The following MAPK8IP3 variants were observed in gnomAD, a reference collection of about 807,000 sequenced individuals.
MAPK8IP3 encodes C-Jun-amino-terminal kinase-interacting protein 3.
Under a neutral mutation model 157.8 loss-of-function variants are expected in MAPK8IP3, and 49 were observed. The observed-to-expected ratio is 0.31, with a 90% CI of 0.25 to 0.39. The LOEUF (loss-of-function observed/expected upper bound fraction) is 0.39. MAPK8IP3 is among the 10% of genes least tolerant of loss of function. The pLI is 1.00. For missense variants in MAPK8IP3, 1,478 were observed against 1,889.4 expected (o/e 0.78, Z 4.04); for synonymous variants, 897 against 777.7 (o/e 1.15, Z -2.55).
chr16:1,727,769 TGC>T (rs2038988798), intron 2 of MAPK8IP3, among the ~76,000 whole-genome samples: 1 of 152,164 alleles, frequency 6.6e-6, no homozygotes, highest in Non-Finnish European at 1.5e-5. Context: ...CTTCCCTGGG[TGC>T]CTGGTAGAGA....
At chr16:1,767,990 C>A in intron 28 of MAPK8IP3, 72 bp downstream of exon 28, 1 of 1,608,888 alleles carries the variant, frequency 6.2e-7, no homozygotes, top group Non-Finnish European at 8.5e-7. Context: ...GGTGGCTCTG[C>A]AGGGCCACCT....
At position 1,751,177 on chromosome 16, in the gene MAPK8IP3, C is replaced by T. The variant is rs1203209268; in HGVS notation, c.1216+2457C>T. On this transcript the variant is annotated intron_variant, in intron 8 of 31. Transcript: ENST00000610761. This position sits in a 1 kb window ranked among gnomAD's most constrained non-coding sequence, Gnocchi z 5.0. ...CATTTATAGATGAAGAAACTGAGGC[C>T]GGGCACAGTGGCTCATGCCCGTAAT... is the stretch of plus-strand genomic sequence containing the variant. 2.6e-5 allele frequency among the ~76,000 whole-genome samples: 4 copies of T among 151,834 alleles called. No homozygotes were observed. The South Asian group carries it at 6.3e-4, about 24-fold the overall frequency.
chr16:1,715,952 C>A (rs1348638918), intron 1 of MAPK8IP3, among the ~76,000 whole-genome samples: 3 of 152,058 alleles, frequency 2.0e-5, no homozygotes, highest in African/African-American at 7.2e-5. Flanking sequence ...GTCTTGAACT[C>A]CTGACCTCAC....
Position 1,706,792 on chromosome 16 carries a change from C to T in MAPK8IP3, c.318+135C>T. On this transcript the variant is annotated intron_variant, in intron 1 of 31. Coordinates refer to ENST00000610761, the MANE Select transcript of MAPK8IP3 (RefSeq NM_001318852.2). The surrounding 1 kb of genome is among the most constrained non-coding windows in gnomAD (Gnocchi z 5.1). The stretch of plus-strand genomic sequence containing the variant: ...CCGCGGGACCCCTGGACCCCCAGAC[C>T]CCGCCCCGAGACCCGCCTGGACCCC... 2 of 1,004,750 alleles carry T rather than the reference C, an allele frequency of 2.0e-6. No individual in the cohort carries two copies. Among genetic ancestry groups the T allele is most frequent in the Non-Finnish European group, 2.8e-6 (2 of 721,626 alleles). The allele number at this position is 1,004,750 out of a possible 1,614,324, so 62.2% of individuals were successfully genotyped here. A position where few individuals can be genotyped will look rare whatever the true frequency, so the allele number is the denominator to read the frequency against.
At chr16:1,759,112 CAG>C in intron 10 of MAPK8IP3, 117 bp downstream of exon 10, 2 of 1,372,992 alleles carry the variant, frequency 1.5e-6, no homozygotes, top group Non-Finnish European at 2.1e-6. Context: ...CCGCCGGGGT[CAG>C]GGGGGCAGCC....
chr16:1,730,645 C>T (rs2039245656), intron 4 of MAPK8IP3, among the ~76,000 whole-genome samples: 1 of 151,988 alleles, frequency 6.6e-6, no homozygotes, highest in South Asian at 2.1e-4. Context: ...AGATCGAGAC[C>T]ATCCTGGCTA....
In MAPK8IP3 at chr16:1,763,768, C is replaced by T. The variant is rs775668375; in HGVS notation, c.2010C>T (p.Pro670=). Residue 670 remains proline (P), a synonymous_variant, in exon 17 of 32, where the codon CCC becomes CCT. Transcript: ENST00000610761. The part of the protein sequence containing the change: ...GRLQACGWSL[P]AKYKQLSPNG... ...TGCAGGCCTGCGGCTGGAGCCTGCC[C>T]GCCAAGTACAAGCAGGTGCGGGCGG... 1.9e-6 allele frequency: 3 copies of T among 1,576,892 alleles called. No individual in the cohort carries two copies. Among genetic ancestry groups the T allele is most frequent in the African/African-American group, 1.4e-5 (1 of 73,776 alleles).
In MAPK8IP3 at chr16:1,710,808, A is replaced by G. The variant is rs960940197; in HGVS notation, c.318+4151A>G. Among the ~76,000 whole-genome samples, 2 of 152,270 alleles carry G rather than the reference A, an allele frequency of 1.3e-5. No homozygotes were observed. Among genetic ancestry groups the G allele is most frequent in the Admixed American group, 6.5e-5 (1 of 15,294 alleles). ...TAAAAAATGTTTTTTAAATGAAGCT[A>G]TCAAGATGGGGCTGCCAGAGCTGCC... is the stretch of plus-strand genomic sequence containing the variant. On this transcript the variant is annotated intron_variant, in intron 1 of 31. Transcript: ENST00000610761. This position sits in a 1 kb window ranked among gnomAD's most constrained non-coding sequence, Gnocchi z 4.1.
intron 8 of MAPK8IP3, 106 bp from the exon 9 acceptor site, chr16:1,758,042 A>T: frequency 8.5e-7 from 1 of 1,173,170 alleles, no homozygotes; most frequent in Non-Finnish European, 1.3e-6. Flanking sequence ...GAGCAGCCGA[A>T]TCATTGCTGG....
intron 1 of MAPK8IP3, among the ~76,000 whole-genome samples, chr16:1,722,465 T>C (rs920889002): frequency 6.6e-6 from 1 of 152,126 alleles, no homozygotes; most frequent in African/African-American, 2.4e-5. Context: ...AGAGTTATTA[T>C]AGGGAACACA....
intron 1 of MAPK8IP3, among the ~76,000 whole-genome samples, chr16:1,718,123 G>A (rs1271962721): frequency 6.6e-6 from 1 of 151,914 alleles, no homozygotes; most frequent in African/African-American, 2.4e-5. Flanking sequence ...AAAGTGCTGG[G>A]ATTACAGGTG....
In MAPK8IP3 at chr16:1,743,894, T is replaced by G. The variant is rs955853469; in HGVS notation, c.747+418T>G. 32 of 1,058,550 alleles carry G rather than the reference T, an allele frequency of 3.0e-5. No homozygotes were observed. Among genetic ancestry groups the G allele is most frequent in the African/African-American group, 5.2e-5 (3 of 58,154 alleles). 65.6% of individuals were successfully genotyped at this position (1,058,550 alleles called of 1,614,324 possible). ...CCACGCCTCTACTCTCGGAGGAACG[T>G]CAGTGTCTAGAGTGTGGGGTTTGCC... On this transcript the variant is annotated intron_variant, in intron 5 of 31. Transcript: ENST00000610761. This position sits in a 1 kb window ranked among gnomAD's most constrained non-coding sequence, Gnocchi z 5.6.
Position 1,742,883 on chromosome 16 carries a change from G to A in MAPK8IP3, c.603-449G>A, listed in dbSNP as rs1363940313. Among the ~76,000 whole-genome samples, 2 of 152,106 alleles carry A rather than the reference G, an allele frequency of 1.3e-5. No individual in the cohort carries two copies. Among genetic ancestry groups the A allele is most frequent in the Non-Finnish European group, 2.9e-5 (2 of 68,016 alleles). On this transcript the variant is annotated intron_variant, in intron 4 of 31. Transcript: ENST00000610761. This position sits in a 1 kb window ranked among gnomAD's most constrained non-coding sequence, Gnocchi z 5.0. ...CACGCCTGTAATCCCAGCACTGTGGGAGGCCGAGGCAGGCGGATCATCAGG... is the reference window on the plus strand; with the variant it reads ...CACGCCTGTAATCCCAGCACTGTGGAAGGCCGAGGCAGGCGGATCATCAGG...
In MAPK8IP3 at chr16:1,706,886, C is replaced by T. The variant is rs867358573; in HGVS notation, c.318+229C>T. On this transcript the variant is annotated intron_variant, in intron 1 of 31. Coordinates refer to ENST00000610761, the MANE Select transcript of MAPK8IP3 (RefSeq NM_001318852.2). This position sits in a 1 kb window ranked among gnomAD's most constrained non-coding sequence, Gnocchi z 5.1. ...GAGACACCTCCCTAGAGCACTCCCCCGCCTGCCCCGGGACCCCACCCCGAC... is the reference window on the plus strand; with the variant it reads ...GAGACACCTCCCTAGAGCACTCCCCTGCCTGCCCCGGGACCCCACCCCGAC... 6.7e-6 allele frequency among the ~76,000 whole-genome samples: 1 copy of T among 149,670 alleles called. No homozygotes were observed. The highest frequency in any genetic ancestry group is 2.5e-5 in the African/African-American group (1 of 40,534).
chr16:1,736,671 C>T (rs546996669), intron 4 of MAPK8IP3, among the ~76,000 whole-genome samples: 22 of 67,148 alleles, frequency 3.3e-4, no homozygotes, highest in Non-Finnish European at 5.1e-4. Flanking sequence ...TGTGACCGTC[C>T]GTGTGAGCAT....
chr16:1,729,946 T>G (rs1375645559), intron 4 of MAPK8IP3, among the ~76,000 whole-genome samples: 2 of 148,174 alleles, frequency 1.3e-5, no homozygotes, highest in East Asian at 2.0e-4. Flanking sequence ...CAGTGACTTA[T>G]GCCTGTAATC....
rs558584596 is a variant in MAPK8IP3 at position 1,741,585 on chromosome 16, C to CT, written c.603-1747_603-1746insT. 1.9e-4 allele frequency among the ~76,000 whole-genome samples: 29 copies of CT among 152,256 alleles called. No individual in the cohort carries two copies. The South Asian group carries it at 6.0e-3, about 32-fold the overall frequency. On this transcript the variant is annotated intron_variant, in intron 4 of 31. Transcript: ENST00000610761. The surrounding 1 kb of genome is among the most constrained non-coding windows in gnomAD (Gnocchi z 6.9). ...TGATGGCGTCAGAACTGGGCCTCAGCAGAGGCGCTCCCCGCACCAGCGTTG... is the reference window on the plus strand; with the variant it reads ...TGATGGCGTCAGAACTGGGCCTCAGCTAGAGGCGCTCCCCGCACCAGCGTTG...
At chr16:1,758,276 G>A (rs974212160) in intron 9 of MAPK8IP3, 117 bp downstream of exon 9, 11 of 1,198,760 alleles carry the variant, frequency 9.2e-6, no homozygotes, top group African/African-American at 4.5e-5. Context: ...CCACGTCGCC[G>A]CAGCGCCTCT....
chr16:1,729,769 C>T (rs974271447), intron 4 of MAPK8IP3, among the ~76,000 whole-genome samples, 191 bp downstream of exon 4: 4 of 152,094 alleles, frequency 2.6e-5, no homozygotes, highest in African/African-American at 7.2e-5. Context: ...GGGGGGGCGG[C>T]CCTGGGCGAC....
Sources: gnomAD v4.1 joint callset for allele counts (sites outside exome capture counted in the v4.1 genomes callset) on GRCh38, gnomAD v4.1.1 for gene constraint, Gnocchi (gnomAD v3.1) non-coding constraint, MANE v1.5 for transcripts, NCBI Gene and HGNC (gene_info 2026-07-23, HGNC 2026-07-21) for gene names.